DYM: variants seen among roughly 807,000 people sequenced by gnomAD.
DYM encodes dymeclin, also known as dyggve-Melchior-Clausen syndrome protein.
In DYM, 78 loss-of-function variants were observed where a neutral mutation model predicts 93.1. The observed-to-expected ratio is 0.84, with a 90% CI of 0.70 to 1.01. The LOEUF (loss-of-function observed/expected upper bound fraction) is 1.01. Ranked by LOEUF, DYM falls within the 50% of genes least tolerant of loss-of-function variation. The probability of loss-of-function intolerance (pLI) is 0.00; values close to 1 mark genes in which losing one functional copy is unlikely to be tolerated. For synonymous variants in DYM, 321 were observed against 319.7 expected (o/e 1.00, Z -0.04); for missense variants, 789 against 845.0 (o/e 0.93, Z 0.82).
At chr18:49,138,800 C>T (rs562040736) in intron 15 of DYM, among the ~76,000 whole-genome samples, 4 of 152,110 alleles carry the variant, frequency 2.6e-5, no homozygotes, top group South Asian at 2.1e-4. Context: ...AGTATTAATA[C>T]GATTTAGACT....
chr18:49,448,252 T>A (rs2082263299), intron 1 of DYM, among the ~76,000 whole-genome samples: 1 of 152,184 alleles, frequency 6.6e-6, no homozygotes, highest in South Asian at 2.1e-4. Flanking sequence ...TAAGTTTTTT[T>A]AAGCCACCTA....
At chr18:49,087,053 C>A (rs357884) in intron 17 of DYM, among the ~76,000 whole-genome samples, 4 of 152,090 alleles carry the variant, frequency 2.6e-5, no homozygotes, top group African/African-American at 7.2e-5. Flanking sequence ...CTTACCCCTT[C>A]TGCCATGTGG....
At chr18:49,375,961 G>A (rs191323840) in intron 5 of DYM, among the ~76,000 whole-genome samples, 1 of 152,188 alleles carries the variant, frequency 6.6e-6, no homozygotes, top group African/African-American at 2.4e-5. Flanking sequence ...TTGGACCCTT[G>A]GACTTACACC....
intron 14 of DYM, among the ~76,000 whole-genome samples, chr18:49,184,618 A>G (rs1417279306): frequency 6.6e-6 from 1 of 152,208 alleles, no homozygotes; most frequent in Non-Finnish European, 1.5e-5. Context: ...ATGGCTGCTA[A>G]GTAATGGCTG....
intron 5 of DYM, among the ~76,000 whole-genome samples, chr18:49,365,275 G>A (rs887030356): frequency 6.6e-6 from 1 of 152,068 alleles, no homozygotes; most frequent in African/African-American, 2.4e-5. Context: ...CCCCGTGAGA[G>A]GTAAGTACAA....
intron 13 of DYM, among the ~76,000 whole-genome samples, chr18:49,245,323 A>C (rs911554961): frequency 1.3e-5 from 2 of 152,208 alleles, no homozygotes; most frequent in African/African-American, 2.4e-5. Context: ...AGGAAAGATA[A>C]CCATAAGGTC....
At chr18:49,163,622 G>T in intron 15 of DYM, 63 bp downstream of exon 15, 1 of 1,061,802 alleles carries the variant, frequency 9.4e-7, no homozygotes, top group Non-Finnish European at 1.4e-6. Flanking sequence ...GGGATTACAG[G>T]CAGGAGTTAC....
chr18:49,159,039 T>A (rs1168134224), intron 15 of DYM, among the ~76,000 whole-genome samples: 3 of 152,086 alleles, frequency 2.0e-5, no homozygotes, highest in Non-Finnish European at 4.4e-5. Context: ...CATAAAAATT[T>A]AAAAAAGAAT....
At chr18:49,303,992 A>G (rs1299591308) in intron 8 of DYM, among the ~76,000 whole-genome samples, 1 of 152,118 alleles carries the variant, frequency 6.6e-6, no homozygotes, top group East Asian at 1.9e-4. Flanking sequence ...CAGACACACC[A>G]CAGGTGTCTG....
rs745855752 is a variant in DYM at position 49,083,128 on chromosome 18, G to A, written c.2025+14274C>T. Among the ~76,000 whole-genome samples, 7 of 152,244 alleles carry A rather than the reference G, an allele frequency of 4.6e-5. No homozygotes were observed. The East Asian group carries it at 9.6e-4, about 21-fold the overall frequency. On this transcript the variant is annotated intron_variant, in intron 17 of 17. Coordinates refer to ENST00000675505, the MANE Select transcript of DYM (RefSeq NM_001353214.3). ...ACAACTACTTGACTCTGCTACTGTC[G>A]TGTGAAAGGAGACACAGACAATACA...
intron 17 of DYM, among the ~76,000 whole-genome samples, chr18:49,091,889 A>G (rs2079082218): frequency 6.6e-6 from 1 of 152,078 alleles, no homozygotes; most frequent in South Asian, 2.1e-4. Context: ...CTGGGATTAC[A>G]GGTGTGAGCC....
At chr18:49,167,042 G>C (rs1295972723) in intron 14 of DYM, among the ~76,000 whole-genome samples, 1 of 149,328 alleles carries the variant, frequency 6.7e-6, no homozygotes, top group Non-Finnish European at 1.5e-5. Context: ...GTGCGCGCCT[G>C]TGTCCCCTAT....
At chr18:49,196,005 C>G (rs1010791027) in intron 14 of DYM, among the ~76,000 whole-genome samples, 1 of 138,496 alleles carries the variant, frequency 7.2e-6, no homozygotes, top group East Asian at 2.2e-4. Flanking sequence ...CTCACTGCAA[C>G]CTTCACCTCC....
chr18:49,404,824 C>T (rs1357404921), intron 2 of DYM, among the ~76,000 whole-genome samples: 1 of 151,972 alleles, frequency 6.6e-6, no homozygotes, highest in Non-Finnish European at 1.5e-5. Flanking sequence ...TCGAGACCAG[C>T]CTGACCAATG....
At chr18:49,383,361 G>T (rs2068242363) in intron 3 of DYM, among the ~76,000 whole-genome samples, 2 of 152,220 alleles carry the variant, frequency 1.3e-5, no homozygotes, top group East Asian at 1.9e-4. Context: ...GGAGGGAGAG[G>T]TAGAAAGACA....
At chr18:49,348,282 C>T (rs1477975767) in intron 6 of DYM, among the ~76,000 whole-genome samples, 1 of 152,122 alleles carries the variant, frequency 6.6e-6, no homozygotes, top group Non-Finnish European at 1.5e-5. Flanking sequence ...AATATCAATG[C>T]ATGCCAACAT....
intron 17 of DYM, among the ~76,000 whole-genome samples, chr18:49,091,100 C>G (rs190332510): frequency 2.6e-5 from 4 of 152,262 alleles, no homozygotes; most frequent in Admixed American, 2.6e-4. Flanking sequence ...TTTCTTGAAG[C>G]AGCACTTTAT....
intron 2 of DYM, among the ~76,000 whole-genome samples, chr18:49,427,714 T>C (rs60182440): frequency 0.084 from 12,713 of 152,162 alleles, 659 homozygotes; most frequent in East Asian, 0.18. Context: ...CTCAACAATA[T>C]CCAAATGTCT....
At position 49,260,486 on chromosome 18, in the gene DYM, A is replaced by C. The variant is rs551127651; in HGVS notation, c.1252-1993T>G. Among the ~76,000 whole-genome samples the C allele has an allele frequency of 6.2e-4, 94 of 152,364 alleles. 2 individuals are homozygous for C. Among genetic ancestry groups the C allele is most frequent in the African/African-American group, 2.2e-3 (90 of 41,590 alleles). ...CCACTTAAAAATTCCAGAAGAAATA[A>C]ACTAGAAGAAAAACAGAACAATTAG... On this transcript the variant is annotated intron_variant, in intron 11 of 17. Coordinates refer to ENST00000675505, the MANE Select transcript of DYM (RefSeq NM_001353214.3).
Sources: gnomAD v4.1 joint callset for allele counts (sites outside exome capture counted in the v4.1 genomes callset) on GRCh38, gnomAD v4.1.1 for gene constraint, MANE v1.5 for transcripts, NCBI Gene and HGNC (gene_info 2026-07-23, HGNC 2026-07-21) for gene names.